DYNC2LI1: variants seen among roughly 807,000 people sequenced by gnomAD.
DYNC2LI1 encodes dynein cytoplasmic 2 light intermediate chain 1, also known as cytoplasmic dynein 2 light intermediate chain 1.
DYNC2LI1 carries 45 observed loss-of-function variants against 51.9 expected under a neutral mutation model. The ratio of observed to expected loss-of-function variants is 0.87; its 90% CI spans 0.68 to 1.11. The LOEUF (loss-of-function observed/expected upper bound fraction) is 1.11, where lower values mean the gene tolerates loss of function less well. Ranked by LOEUF, DYNC2LI1 falls within the 50% of genes most tolerant of loss-of-function variation. The pLI is 0.00. For missense variants in DYNC2LI1, 490 were observed against 417.4 expected, an observed-to-expected ratio of 1.17 and a Z score of -1.51; for synonymous variants, 130 against 137.8, an observed-to-expected ratio of 0.94 and a Z score of 0.40.
intron 5 of DYNC2LI1, among the ~76,000 whole-genome samples, chr2:43,791,473 G>A (rs1437765303): frequency 6.6e-6 from 1 of 152,164 alleles, no homozygotes; most frequent in African/African-American, 2.4e-5. Flanking sequence ...TGAGGTCTTG[G>A]GCTTCCTTTC....
chr2:43,791,684 A>G (rs1461753163), intron 5 of DYNC2LI1, among the ~76,000 whole-genome samples: 1 of 152,236 alleles, frequency 6.6e-6, no homozygotes, highest in Non-Finnish European at 1.5e-5. Context: ...TTTGACACAT[A>G]ATTTCCTTGT....
chr2:43,781,980 T>C (rs1673308107), intron 2 of DYNC2LI1, among the ~76,000 whole-genome samples: 1 of 151,986 alleles, frequency 6.6e-6, no homozygotes, highest in Admixed American at 6.6e-5. Context: ...CATAGTGATG[T>C]CCCCCTACAT....
chr2:43,778,041 C>T (rs1374790386), intron 2 of DYNC2LI1, among the ~76,000 whole-genome samples: 1 of 151,892 alleles, frequency 6.6e-6, no homozygotes, highest in Non-Finnish European at 1.5e-5. Flanking sequence ...TTTTTATTTT[C>T]CAGAGTTTTC....
intron 12 of DYNC2LI1, among the ~76,000 whole-genome samples, chr2:43,805,890 C>CT (rs1030068592): frequency 7.4e-5 from 11 of 149,050 alleles, no homozygotes; most frequent in South Asian, 4.2e-4. Flanking sequence ...TTTTCTTTTT[C>CT]TTTTTTTTTT....
intron 3 of DYNC2LI1, among the ~76,000 whole-genome samples, chr2:43,786,625 C>A (rs1362626999): frequency 1.3e-5 from 2 of 152,094 alleles, no homozygotes; most frequent in Non-Finnish European, 2.9e-5. Context: ...GAGATCTAGA[C>A]CATCCTGGCT....
intron 1 of DYNC2LI1, chr2:43,775,722 C>G (rs750265648): frequency 4.8e-5 from 18 of 375,714 alleles, no homozygotes; most frequent in South Asian, 3.2e-4. Flanking sequence ...GAGTCTCGCT[C>G]TGTTGCCCAG....
intron 2 of DYNC2LI1, among the ~76,000 whole-genome samples, chr2:43,781,402 T>C (rs1434676018): frequency 6.6e-6 from 1 of 151,872 alleles, no homozygotes; most frequent in Non-Finnish European, 1.5e-5. Flanking sequence ...GGGAGTGATT[T>C]AAATCAATGA....
the DYNC2LI1 span, among the ~76,000 whole-genome samples, chr2:43,820,708 C>T: frequency 3.3e-5 from 5 of 152,172 alleles, no homozygotes; most frequent in Non-Finnish European, 2.9e-5. Context: ...GACTGGAGTG[C>T]AGTGGCGTGA....
intron 3 of DYNC2LI1, among the ~76,000 whole-genome samples, chr2:43,786,956 C>G (rs919994497): frequency 1.3e-5 from 2 of 152,242 alleles, no homozygotes; most frequent in Non-Finnish European, 2.9e-5. Flanking sequence ...TTTGCCCCAG[C>G]AGTGCCTTTA....
chr2:43,810,234 A>C (rs937745195), downstream of DYNC2LI1: 6 of 518,996 alleles, frequency 1.2e-5, no homozygotes, highest in Non-Finnish European at 1.5e-5. Flanking sequence ...CGCAAGAAGC[A>C]CCTGAAATAG....
chr2:43,813,380 A>G (rs1666586927), downstream of DYNC2LI1: 5 of 1,112,784 alleles, frequency 4.5e-6, no homozygotes, highest in Admixed American at 7.6e-5. Context: ...GTATTTACCA[A>G]GCGCTTGCTA....
intron 12 of DYNC2LI1, among the ~76,000 whole-genome samples, chr2:43,806,446 C>T (rs543752148): frequency 7.2e-5 from 11 of 152,180 alleles, no homozygotes; most frequent in Admixed American, 2.6e-4. Context: ...TTTATGTAAA[C>T]GGTCCAGAAG....
At chr2:43,775,532 T>C (rs968011156) in intron 1 of DYNC2LI1, among the ~76,000 whole-genome samples, 4 of 151,716 alleles carry the variant, frequency 2.6e-5, no homozygotes, top group Non-Finnish European at 5.9e-5. Context: ...AAGGTCTTGC[T>C]GTGTCACCCA....
At chr2:43,794,777 A>C in intron 6 of DYNC2LI1, 134 bp downstream of exon 6, 1 of 1,517,384 alleles carries the variant, frequency 6.6e-7, no homozygotes, top group Non-Finnish European at 8.8e-7. Context: ...GTTCACTGGA[A>C]AATTACAGCA....
chr2:43,819,660 T>C, the DYNC2LI1 span, among the ~76,000 whole-genome samples: 18 of 152,204 alleles, frequency 1.2e-4, no homozygotes, highest in Admixed American at 5.2e-4. Flanking sequence ...CTTGGTATAA[T>C]GGTTTATTAC....
In DYNC2LI1 at chr2:43,774,119, C is replaced by T. The variant is rs753368788; in HGVS notation, c.-20C>T. On this transcript the variant is annotated 5_prime_UTR_variant, in exon 1 of 13. Coordinates refer to ENST00000260605, the MANE Select transcript of DYNC2LI1 (RefSeq NM_016008.4). ...CACTACTCCGAGCCTGTGACGTTTG[C>T]GGCAGCCAGGCCGTCGACGATGCCC... 5 of 1,613,608 alleles carry T rather than the reference C, an allele frequency of 3.1e-6. No individual in the cohort carries two copies. Among genetic ancestry groups the T allele is most frequent in the Non-Finnish European group, 4.2e-6 (5 of 1,179,806 alleles).
chr2:43,822,554 G>A, the DYNC2LI1 span: 4 of 984,954 alleles, frequency 4.1e-6, no homozygotes, highest in Non-Finnish European at 4.8e-6. Flanking sequence ...GTGAATGTGG[G>A]ACAGGTCATT....
downstream of DYNC2LI1, among the ~76,000 whole-genome samples, chr2:43,811,547 TG>T (rs2104734489): frequency 6.6e-6 from 1 of 152,272 alleles, no homozygotes; most frequent in African/African-American, 2.4e-5. Context: ...GGTTTGTACA[TG>T]GAATTACTTG....
chr2:43,788,881 G>A (rs1248272740), intron 4 of DYNC2LI1, among the ~76,000 whole-genome samples: 2 of 152,222 alleles, frequency 1.3e-5, no homozygotes, highest in Non-Finnish European at 2.9e-5. Context: ...TGATCCTCCA[G>A]CCTTGGCCTC....
Sources: gnomAD v4.1 joint callset for allele counts (sites outside exome capture counted in the v4.1 genomes callset) on GRCh38, gnomAD v4.1.1 for gene constraint, MANE v1.5 for transcripts, NCBI Gene and HGNC (gene_info 2026-07-23, HGNC 2026-07-21) for gene names.